The following ADAM12 variants were observed in gnomAD, a reference collection of about 807,000 sequenced individuals.
ADAM12 encodes the protein disintegrin and metalloproteinase domain-containing protein 12.
In ADAM12, 70 loss-of-function variants were observed where a neutral mutation model predicts 106.4. The observed-to-expected ratio is 0.66, with a 90% confidence interval of 0.54 to 0.80. ADAM12 has a LOEUF of 0.80. Ranked by LOEUF, ADAM12 falls within the 30% of genes least tolerant of loss-of-function variation. The probability of loss-of-function intolerance (pLI) is 0.00; values close to 1 mark genes in which losing one functional copy is unlikely to be tolerated. For synonymous variants in ADAM12, 420 were observed against 433.5 expected (o/e 0.97, Z 0.39); for missense variants, 1,010 against 1,171.9 (o/e 0.86, Z 2.02).
At chr10:126,317,025 T>C (rs893849259) in intron 2 of ADAM12, among the ~76,000 whole-genome samples, 1 of 152,138 alleles carries the variant, frequency 6.6e-6, no homozygotes, top group Non-Finnish European at 1.5e-5. Context: ...TATAATTAGG[T>C]TAAATTCACG....
chr10:126,297,500 G>C (rs1292300122), intron 2 of ADAM12, among the ~76,000 whole-genome samples: 1 of 152,176 alleles, frequency 6.6e-6, no homozygotes, highest in Non-Finnish European at 1.5e-5. Context: ...CAGTGAGCTA[G>C]AATTGTGCCA....
intron 2 of ADAM12, among the ~76,000 whole-genome samples, chr10:126,318,283 C>T (rs1036046035): frequency 2.0e-5 from 3 of 151,950 alleles, no homozygotes; most frequent in Non-Finnish European, 2.9e-5. Flanking sequence ...CTTTCACACA[C>T]TCAAACTCAC....
intron 3 of ADAM12, among the ~76,000 whole-genome samples, chr10:126,182,255 G>A (rs1033661551): frequency 5.3e-5 from 8 of 152,150 alleles, no homozygotes. Flanking sequence ...CTGATGTTGA[G>A]GGCCAGATAT....
rs78621968 is a variant in ADAM12, at chr10:126,155,731, C to T, written c.261-426G>A. 1.4e-4 allele frequency among the ~76,000 whole-genome samples: 21 copies of T among 152,340 alleles called. No individual in the cohort carries two copies. The East Asian group carries it at 3.9e-3, about 28-fold the overall frequency. ...CCACCAACTGGAATCAATGGTTGAA[C>T]CACCTGCTGGGAAAATCATTCTGAT... On this transcript the variant is annotated intron_variant, in intron 3 of 22. Transcript: ENST00000448723.
chr10:126,219,469 TTTAA>T (rs1283722364), intron 3 of ADAM12, among the ~76,000 whole-genome samples: 10 of 152,242 alleles, frequency 6.6e-5, no homozygotes, highest in African/African-American at 2.4e-4. Flanking sequence ...GTCTTTTTCT[TTTAA>T]GATTGGCAGA....
At chr10:126,065,674 C>A (rs1954852556) in intron 13 of ADAM12, among the ~76,000 whole-genome samples, 1 of 152,158 alleles carries the variant, frequency 6.6e-6, no homozygotes, top group African/African-American at 2.4e-5. Flanking sequence ...TAGTTCCCTG[C>A]ATACTCCTCA....
At chr10:126,204,259 G>T (rs1421807894) in intron 3 of ADAM12, among the ~76,000 whole-genome samples, 1 of 152,202 alleles carries the variant, frequency 6.6e-6, no homozygotes, top group Non-Finnish European at 1.5e-5. Flanking sequence ...TAATACAAGG[G>T]AGGAAACATG....
At chr10:126,281,775 T>C (rs957486269) in intron 2 of ADAM12, among the ~76,000 whole-genome samples, 3 of 152,220 alleles carry the variant, frequency 2.0e-5, no homozygotes, top group African/African-American at 7.2e-5. Context: ...GTGTCTTTTA[T>C]TGAATGCTTA....
chr10:126,117,590 AG>A (rs1956006867), intron 6 of ADAM12, among the ~76,000 whole-genome samples: 1 of 152,122 alleles, frequency 6.6e-6, no homozygotes, highest in African/African-American at 2.4e-5. Flanking sequence ...CTTGCTAATA[AG>A]GAAGGCTCTA....
In ADAM12 at chr10:126,015,561, T is replaced by C. The variant is rs1953647985; in HGVS notation, c.*1718A>G. Reference sequence around the variant, plus strand: ...GGAATGTATTAGAGCTGGGTTCCCTTTTGTGTGTGTTTGTGTCACGTGTTT... The same window carrying C: ...GGAATGTATTAGAGCTGGGTTCCCTCTTGTGTGTGTTTGTGTCACGTGTTT... On this transcript the variant is annotated 3_prime_UTR_variant, in exon 23 of 23. Transcript: ENST00000448723. The C allele has an allele frequency of 6.6e-6, 1 of 152,180 alleles. No homozygotes were observed. The highest frequency in any genetic ancestry group is 1.5e-5 in the Non-Finnish European group (1 of 68,024). The allele number at this position is 152,180 out of a possible 1,614,324, so 9.4% of individuals were successfully genotyped here.
intron 3 of ADAM12, among the ~76,000 whole-genome samples, chr10:126,204,648 ATTG>A (rs1297076833): frequency 6.6e-6 from 1 of 152,202 alleles, no homozygotes; most frequent in Non-Finnish European, 1.5e-5. Flanking sequence ...TTGTTCATAA[ATTG>A]TTAAGAATTT....
At chr10:126,071,788 T>C (rs1954998785) in intron 11 of ADAM12, 134 bp from the exon 12 acceptor site, 1 of 930,124 alleles carries the variant, frequency 1.1e-6, no homozygotes, top group Admixed American at 2.6e-5. Context: ...GAACAATGCA[T>C]ATCAAAAAAC....
intron 3 of ADAM12, among the ~76,000 whole-genome samples, chr10:126,256,378 C>T (rs770127492): frequency 2.0e-5 from 3 of 152,158 alleles, no homozygotes; most frequent in Non-Finnish European, 4.4e-5. Flanking sequence ...CCAACAACTA[C>T]GGGATCTTGG....
chr10:126,129,989 G>A (rs776511922), intron 5 of ADAM12, among the ~76,000 whole-genome samples: 165 of 152,048 alleles, frequency 1.1e-3, no homozygotes, highest in Non-Finnish European at 2.0e-3. Flanking sequence ...GTGATCCTGT[G>A]TTTTTGAAGC....
intron 14 of ADAM12, among the ~76,000 whole-genome samples, chr10:126,060,647 A>G (rs1207010548): frequency 6.6e-6 from 1 of 152,218 alleles, no homozygotes; most frequent in East Asian, 1.9e-4. Flanking sequence ...AACCACTACA[A>G]CAAAGCATTG....
intron 3 of ADAM12, among the ~76,000 whole-genome samples, chr10:126,177,959 C>A (rs908325194): frequency 6.6e-6 from 1 of 152,144 alleles, no homozygotes; most frequent in Non-Finnish European, 1.5e-5. Context: ...AATCTCCATG[C>A]GCTCATTTAA....
rs954638126 is a variant in ADAM12, at chr10:126,117,328, C to T, written c.603+710G>A. Among the ~76,000 whole-genome samples, 3 of 152,212 alleles carry T rather than the reference C, an allele frequency of 2.0e-5. No homozygotes were observed. The East Asian group carries it at 5.8e-4, about 29-fold the overall frequency. On this transcript the variant is annotated intron_variant, in intron 6 of 22. Coordinates refer to ENST00000448723, the MANE Select transcript of ADAM12 (RefSeq NM_001288973.2). ...AAGGGAAGTCTGTCTGCAGCACAGA[C>T]TCCCTTAGGCAACTACTCTTTCCAG...
intron 5 of ADAM12, among the ~76,000 whole-genome samples, chr10:126,128,121 C>A (rs1277352963): frequency 6.6e-6 from 1 of 152,130 alleles, no homozygotes; most frequent in Non-Finnish European, 1.5e-5. Context: ...GAGGAAGTCA[C>A]TTTTGTGGTC....
chr10:126,318,536 TCA>T (rs1184267380), intron 2 of ADAM12, among the ~76,000 whole-genome samples: 79 of 146,530 alleles, frequency 5.4e-4, no homozygotes, highest in African/African-American at 2.0e-3. Flanking sequence ...ACACACACTT[TCA>T]CACACACTCA....
Sources: allele counts gnomAD v4.1 joint callset (sites outside exome capture counted in the v4.1 genomes callset), GRCh38; gene constraint gnomAD v4.1.1; transcripts MANE v1.5; gene names NCBI Gene and HGNC (gene_info 2026-07-23, HGNC 2026-07-21).